Variants in SRP9 observed in about 807,000 individuals in gnomAD.
SRP9 encodes the protein signal recognition particle 9 kDa protein.
In SRP9, 2 loss-of-function variants were observed where a neutral mutation model predicts 11.7. That is an observed-to-expected ratio of 0.17 (90% CI 0.07 to 0.54). SRP9 has a LOEUF of 0.54. SRP9 is among the 20% of genes least tolerant of loss of function. The probability of loss-of-function intolerance (pLI) is 0.94; values close to 1 mark genes in which losing one functional copy is unlikely to be tolerated. For missense variants in SRP9, 54 were observed against 108.1 expected (o/e 0.50, Z 2.22); for synonymous variants, 27 against 35.6 (o/e 0.76, Z 0.86).
intron 2 of SRP9, among the ~76,000 whole-genome samples, chr1:225,784,124 C>G (rs1025230329): frequency 3.4e-5 from 5 of 148,772 alleles, no homozygotes; most frequent in Admixed American, 2.0e-4. Flanking sequence ...TCTATGTCTA[C>G]TTGCAAATGT....
intron 2 of SRP9, chr1:225,786,758 AAAT>A: frequency 1.7e-6 from 2 of 1,191,504 alleles, no homozygotes; most frequent in Non-Finnish European, 2.1e-6. Flanking sequence ...GATAGTAAAA[AAAT>A]ATATGAAAGT....
At chr1:225,785,707 G>A (rs1233782575) in intron 2 of SRP9, among the ~76,000 whole-genome samples, 8 of 142,812 alleles carry the variant, frequency 5.6e-5, no homozygotes, top group Non-Finnish European at 1.1e-4. Flanking sequence ...TTTAAAGAAG[G>A]AGTCTGGCTC....
At position 225,781,395 on chromosome 1, in the gene SRP9, C is replaced by CTTTTTTTT. The variant is rs11315558; in HGVS notation, c.73-1891_73-1884dup. 3.3e-3 allele frequency among the ~76,000 whole-genome samples: 289 copies of CTTTTTTTT among 87,588 alleles called. 1 individual carries two copies. Among genetic ancestry groups the CTTTTTTTT allele is most frequent in the East Asian group, 0.011 (27 of 2,550 alleles). The allele number at this position is 87,588 out of a possible 152,430, so 57.5% of individuals were successfully genotyped here. ...GATTGGCCTTTTTTCTTTTCTTTTT[C>CTTTTTTTT]TTTTTTTTTTTTTTTTTTTTTGAGA... On this transcript the variant is annotated intron_variant, in intron 1 of 2. Transcript: ENST00000304786.
rs1480913600 is a variant in SRP9, at chr1:225,783,190, T to C, written c.73-110T>C. The C allele has an allele frequency of 1.9e-5, 14 of 723,850 alleles. No individual in the cohort carries two copies. In the Admixed American group the frequency reaches 2.6e-4, roughly 13 times the overall value. The allele number at this position is 723,850 out of a possible 1,614,324, so 44.8% of individuals were successfully genotyped here. On this transcript the variant is annotated intron_variant, in intron 1 of 2. Transcript: ENST00000304786. ...TTTATAGTAAAAATGCCTTTAGATG[T>C]TTGGGGGTATTTATTCTAAAAGGAT... is the stretch of plus-strand genomic sequence containing the variant.
At chr1:225,778,138 C>T in intron 1 of SRP9, 126 bp downstream of exon 1, 1 of 1,036,238 alleles carries the variant, frequency 9.7e-7, no homozygotes, top group Non-Finnish European at 1.4e-6. Context: ...TGGACCCTGC[C>T]AAGTTAATGT....
Position 225,789,519 on chromosome 1 carries a change from G to A in SRP9, c.*160G>A. The A allele has an allele frequency of 1.4e-6, 1 of 723,956 alleles. No homozygotes were observed. Among genetic ancestry groups the A allele is most frequent in the Non-Finnish European group, 2.1e-6 (1 of 479,438 alleles). 44.8% of individuals were successfully genotyped at this position (723,956 alleles called of 1,614,324 possible). ...TCTTTTTAATTACTTTAGAGAGCTAGGGATGCAAATGTTTTCAGTTAGAAA... is the reference window on the plus strand; with the variant it reads ...TCTTTTTAATTACTTTAGAGAGCTAAGGATGCAAATGTTTTCAGTTAGAAA... On this transcript the variant is annotated 3_prime_UTR_variant, in exon 3 of 3. Coordinates refer to ENST00000304786, the MANE Select transcript of SRP9 (RefSeq NM_003133.6).
intron 1 of SRP9, among the ~76,000 whole-genome samples, chr1:225,781,381 TTTC>T (rs1206331715): frequency 3.4e-5 from 5 of 148,436 alleles, no homozygotes; most frequent in East Asian, 2.0e-4. Flanking sequence ...ATTGGCCTTT[TTTC>T]TTTTCTTTTT....
chr1:225,783,483 T>TAGGG, intron 2 of SRP9, 115 bp downstream of exon 2: 1 of 828,942 alleles, frequency 1.2e-6, no homozygotes, highest in East Asian at 2.6e-5. Flanking sequence ...TTATTTTGCA[T>TAGGG]TTCATTTAAA....
chr1:225,780,378 TTTTG>T (rs1351433466), intron 1 of SRP9, among the ~76,000 whole-genome samples: 4 of 151,756 alleles, frequency 2.6e-5, no homozygotes, highest in East Asian at 3.9e-4. Flanking sequence ...TAACAGTTTT[TTTTG>T]TTTGTTTGTT....
chr1:225,786,900 T>A, intron 2 of SRP9: 1 of 1,061,800 alleles, frequency 9.4e-7, no homozygotes, highest in Non-Finnish European at 1.3e-6. Context: ...TGCAGTGCAG[T>A]GGCATGATCA....
chr1:225,789,772 G>A lies in SRP9; in HGVS notation c.*413G>A, dbSNP rs568854373. The A allele has an allele frequency of 1.7e-5, 3 of 176,204 alleles. No homozygotes were observed. Among genetic ancestry groups the A allele is most frequent in the East Asian group, 1.6e-4 (1 of 6,306 alleles). The allele number at this position is 176,204 out of a possible 1,614,324, so 10.9% of individuals were successfully genotyped here. A position where few individuals can be genotyped will look rare whatever the true frequency, so the allele number is the denominator to read the frequency against. ...ATCCATGTATTTTGGAGCATAAAAT[G>A]TATGCTGTTGTGACCAATAAATATA... On this transcript the variant is annotated 3_prime_UTR_variant, in exon 3 of 3. Coordinates refer to ENST00000304786, the MANE Select transcript of SRP9 (RefSeq NM_003133.6).
intron 2 of SRP9, among the ~76,000 whole-genome samples, chr1:225,784,857 A>C (rs1278509670): frequency 6.6e-6 from 1 of 151,870 alleles, no homozygotes; most frequent in Non-Finnish European, 1.5e-5. Context: ...AACAAACAAA[A>C]AAACTAGCTG....
At chr1:225,783,873 ACCT>A (rs1256056918) in intron 2 of SRP9, among the ~76,000 whole-genome samples, 2 of 151,460 alleles carry the variant, frequency 1.3e-5, no homozygotes, top group South Asian at 2.1e-4. Flanking sequence ...ATGTTATTTG[ACCT>A]CCTTGCTGCT....
At chr1:225,786,820 T>C (rs1375283370) in intron 2 of SRP9, 1 of 1,263,816 alleles carries the variant, frequency 7.9e-7, no homozygotes, top group South Asian at 1.3e-5. Context: ...TGTATTCTTT[T>C]GTTTGTTGAT....
intron 2 of SRP9, chr1:225,787,068 T>A: frequency 3.5e-6 from 1 of 285,630 alleles, no homozygotes; most frequent in South Asian, 2.9e-5. Context: ...GATCTGGAAC[T>A]CCTGGACTCA....
chr1:225,786,003 A>G (rs1308198771), intron 2 of SRP9, among the ~76,000 whole-genome samples: 1 of 152,198 alleles, frequency 6.6e-6, no homozygotes, highest in Non-Finnish European at 1.5e-5. Flanking sequence ...GATTTCTGAA[A>G]GGCTAATTTG....
chr1:225,787,179 G>C (rs1375547542), intron 2 of SRP9, among the ~76,000 whole-genome samples: 1 of 152,090 alleles, frequency 6.6e-6, no homozygotes, highest in Non-Finnish European at 1.5e-5. Context: ...AATTTTAATT[G>C]TGATTGTCAC....
chr1:225,783,414 G>T, intron 2 of SRP9, 46 bp downstream of exon 2: 1 of 1,451,220 alleles, frequency 6.9e-7, no homozygotes, highest in Non-Finnish European at 9.6e-7. Context: ...ATTTGTTTGA[G>T]TTAATTATTT....
intron 2 of SRP9, 122 bp from the exon 3 acceptor site, chr1:225,789,118 C>T (rs1178368558): frequency 5.2e-6 from 8 of 1,551,408 alleles, no homozygotes; most frequent in African/African-American, 1.4e-5. Flanking sequence ...GTACGACCTC[C>T]AAGGAGAATA....
Sources: gnomAD v4.1 joint callset for allele counts (sites outside exome capture counted in the v4.1 genomes callset) on GRCh38, gnomAD v4.1.1 for gene constraint, MANE v1.5 for transcripts, NCBI Gene and HGNC (gene_info 2026-07-23, HGNC 2026-07-21) for gene names.